The following SEMA4D variants were observed in gnomAD, a reference collection of about 807,000 sequenced individuals.
SEMA4D encodes semaphorin 4D.
Under a neutral mutation model 74.8 loss-of-function variants are expected in SEMA4D, and 22 were observed. That is an observed-to-expected ratio of 0.29 (90% confidence interval 0.21 to 0.42). The LOEUF is 0.42. SEMA4D is among the 10% of genes least tolerant of loss of function. SEMA4D has a pLI of 1.00. For missense variants in SEMA4D, 937 were observed against 1,118.4 expected (o/e 0.84, Z 2.31); for synonymous variants, 445 against 463.7 (o/e 0.96, Z 0.52).
chr9:89,434,852 G>A (rs1301928031), intron 2 of SEMA4D, among the ~76,000 whole-genome samples: 1 of 152,192 alleles, frequency 6.6e-6, no homozygotes, highest in South Asian at 2.1e-4. Flanking sequence ...GGGGAGGCAG[G>A]GCAGCTGGGC....
chr9:89,463,712 T>C (rs984183007), intron 1 of SEMA4D, among the ~76,000 whole-genome samples: 2 of 152,004 alleles, frequency 1.3e-5, no homozygotes, highest in East Asian at 1.9e-4. Flanking sequence ...GAGGCGGGCA[T>C]ATCACGAGGT....
chr9:89,378,891 T>A lies in SEMA4D; in HGVS notation c.2402A>T (p.Gln801Leu). ...TGGCTTGGGGTGCTCCCCATTCTGC[T>A]GGGAGAAGCTCCCTGGCTCTACTAA... ...ETLVEPGSFS[Q>L]QNGEHPKPAL... is the part of the protein sequence containing the mutation. Residue 801 changes from glutamine to leucine, a missense_variant, in exon 16 of 16, where the codon CAG becomes CTG. Coordinates refer to ENST00000422704, the MANE Select transcript of SEMA4D (RefSeq NM_001371194.2). The A allele has an allele frequency of 6.2e-7, 1 of 1,614,230 alleles. No homozygotes were observed. The highest frequency in any genetic ancestry group is 8.5e-7 in the Non-Finnish European group (1 of 1,180,044).
intron 1 of SEMA4D, among the ~76,000 whole-genome samples, chr9:89,495,100 C>T (rs1825906523): frequency 6.6e-6 from 1 of 152,126 alleles, no homozygotes; most frequent in Admixed American, 6.5e-5. Context: ...TCATGGGCAG[C>T]ATCTGAAACT....
At chr9:89,477,927 A>T (rs1862172423) in intron 1 of SEMA4D, among the ~76,000 whole-genome samples, 1 of 152,214 alleles carries the variant, frequency 6.6e-6, no homozygotes, top group Admixed American at 6.5e-5. Flanking sequence ...AAAAAGATAG[A>T]AGGCACCTTT....
Position 89,492,849 on chromosome 9 carries a change from T to C in SEMA4D, c.-310+5070A>G, listed in dbSNP as rs892439393. ...ACCATTGCTCATGTGTGCCTAAGTG[T>C]CCCCTCACCACTCCTCACCTCCCCT... On this transcript the variant is annotated intron_variant, in intron 1 of 15. Coordinates refer to ENST00000422704, the MANE Select transcript of SEMA4D (RefSeq NM_001371194.2). The surrounding 1 kb of genome is among the most constrained non-coding windows in gnomAD (Gnocchi z 4.3). 6.6e-6 allele frequency among the ~76,000 whole-genome samples: 1 copy of C among 151,992 alleles called. No individual in the cohort carries two copies. The highest frequency in any genetic ancestry group is 2.4e-5 in the African/African-American group (1 of 41,370).
chr9:89,381,020 TC>T lies in SEMA4D; in HGVS notation c.1663+34del. On this transcript the variant is annotated intron_variant, in intron 15 of 15. Transcript: ENST00000422704. This position sits in a 1 kb window ranked among gnomAD's most constrained non-coding sequence, Gnocchi z 4.6. ...TGAAATGGCTACAAGACCTCGCCAC[TC>T]CCAAAGGAAATGGGACGTCGAGGAG... 6.2e-7 allele frequency: 1 copy of T among 1,613,408 alleles called. No individual in the cohort carries two copies. Among genetic ancestry groups the T allele is most frequent in the Middle Eastern group, 1.6e-4 (1 of 6,062 alleles).
chr9:89,371,986 G>GTGT (rs1835027653), intron 16 of SEMA4D, among the ~76,000 whole-genome samples: 2 of 52,824 alleles, frequency 3.8e-5, no homozygotes. Flanking sequence ...GTGTGTCTGG[G>GTGT]GTGTGGTGTG....
chr9:89,420,505 C>T (rs1046336547), intron 2 of SEMA4D, among the ~76,000 whole-genome samples: 3 of 152,224 alleles, frequency 2.0e-5, no homozygotes, highest in Non-Finnish European at 4.4e-5. Flanking sequence ...TGGTGCACCC[C>T]CTCTAGTGCA....
intron 16 of SEMA4D, among the ~76,000 whole-genome samples, chr9:89,371,933 T>G (rs1295647760): frequency 2.4e-5 from 3 of 126,662 alleles, no homozygotes; most frequent in Admixed American, 8.5e-5. Context: ...GTGGTGTGTG[T>G]GGGGTGTGGT....
At chr9:89,472,633 TA>T (rs554649508) in intron 1 of SEMA4D, 350 of 190,264 alleles carry the variant, frequency 1.8e-3, no homozygotes, top group African/African-American at 7.9e-3. Context: ...TGTCGGTGCT[TA>T]ATGATGTCTA....
chr9:89,434,333 C>T (rs573109721), intron 2 of SEMA4D, among the ~76,000 whole-genome samples: 53 of 152,290 alleles, frequency 3.5e-4, no homozygotes, highest in Non-Finnish European at 5.9e-4. Context: ...AGAACAATGG[C>T]GTTGGGCGCC....
downstream of SEMA4D, among the ~76,000 whole-genome samples, chr9:89,374,967 C>T (rs188025412): frequency 8.5e-4 from 130 of 152,304 alleles, no homozygotes; most frequent in Non-Finnish European, 1.5e-3. Context: ...GCAGGAGGAT[C>T]GCTTGATCCT....
At chr9:89,483,337 T>A (rs1451179361) in intron 1 of SEMA4D, among the ~76,000 whole-genome samples, 1 of 152,114 alleles carries the variant, frequency 6.6e-6, no homozygotes, top group East Asian at 1.9e-4. Context: ...TTTGACCCAG[T>A]TTTCCTGCCC....
intron 1 of SEMA4D, among the ~76,000 whole-genome samples, chr9:89,471,734 G>A (rs897265004): frequency 2.2e-4 from 34 of 151,472 alleles, no homozygotes; most frequent in Non-Finnish European, 4.7e-4. Context: ...ACAGGCTGAG[G>A]TGCATGCCAG....
At chr9:89,480,305 T>C (rs1162088057) in intron 1 of SEMA4D, among the ~76,000 whole-genome samples, 1 of 152,218 alleles carries the variant, frequency 6.6e-6, no homozygotes, top group Non-Finnish European at 1.5e-5. Context: ...CTGAGCTAGA[T>C]ATAAAGACTC....
intron 2 of SEMA4D, among the ~76,000 whole-genome samples, chr9:89,416,666 G>A (rs1049891081): frequency 3.9e-5 from 6 of 152,142 alleles, no homozygotes; most frequent in African/African-American, 1.2e-4. Context: ...TGTTAACAGT[G>A]GTCGCTTATA....
At chr9:89,436,497 G>T (rs901563528) in intron 2 of SEMA4D, 1 of 152,396 alleles carries the variant, frequency 6.6e-6, no homozygotes, top group African/African-American at 2.4e-5. Flanking sequence ...ATTAGTTGGG[G>T]CTCAGGCCAG....
chr9:89,399,935 T>C (rs1285946242), intron 4 of SEMA4D, among the ~76,000 whole-genome samples: 5 of 144,384 alleles, frequency 3.5e-5, no homozygotes, highest in African/African-American at 7.8e-5. Flanking sequence ...GAGGCGAAGG[T>C]TGCAGTAAGC....
intron 2 of SEMA4D, among the ~76,000 whole-genome samples, chr9:89,416,445 CAT>C (rs58785784): frequency 0.22 from 33,567 of 152,200 alleles, 4,205 homozygotes; most frequent in Non-Finnish European, 0.28. Context: ...ACACCGAAGA[CAT>C]GTGTAGAGCA....
Sources: allele counts gnomAD v4.1 joint callset (sites outside exome capture counted in the v4.1 genomes callset), GRCh38; gene constraint gnomAD v4.1.1; non-coding constraint Gnocchi (gnomAD v3.1); transcripts MANE v1.5; gene names NCBI Gene and HGNC (gene_info 2026-07-23, HGNC 2026-07-21).